PRPF39: variants seen among roughly 807,000 people sequenced by gnomAD.
PRPF39 encodes pre-mRNA-processing factor 39.
PRPF39 carries 27 observed loss-of-function variants against 82.1 expected under a neutral mutation model. That is an observed-to-expected ratio of 0.33 (90% CI 0.24 to 0.45). The LOEUF (loss-of-function observed/expected upper bound fraction) is 0.45, where lower values mean the gene tolerates loss of function less well. PRPF39 is among the 20% of genes least tolerant of loss of function. The pLI, the probability that PRPF39 is intolerant of heterozygous loss-of-function variation, is 1.00. For missense variants in PRPF39, 581 were observed against 796.9 expected, an observed-to-expected ratio of 0.73 and a Z score of 3.26; for synonymous variants, 261 against 256.4, an observed-to-expected ratio of 1.02 and a Z score of -0.17.
chr14:45,096,787 C>A, intron 3 of PRPF39, 100 bp from the exon 4 acceptor site: 1 of 1,541,994 alleles, frequency 6.5e-7, no homozygotes, highest in Admixed American at 2.0e-5. Context: ...AACAAAATTC[C>A]AGTAATTAGT....
At chr14:45,106,175 C>T (rs188360229) in intron 5 of PRPF39, among the ~76,000 whole-genome samples, 3 of 151,916 alleles carry the variant, frequency 2.0e-5, no homozygotes, top group East Asian at 3.9e-4. Flanking sequence ...AAGGTGAAAC[C>T]CCGTCTCTAC....
intron 5 of PRPF39, among the ~76,000 whole-genome samples, chr14:45,104,517 T>G (rs1402531611): frequency 6.6e-6 from 1 of 152,158 alleles, no homozygotes; most frequent in Non-Finnish European, 1.5e-5. Context: ...ATTTAAGTTG[T>G]AGGAATGAAG....
chr14:45,108,319 A>T, intron 6 of PRPF39, 96 bp from the exon 7 acceptor site: 1 of 1,327,344 alleles, frequency 7.5e-7, no homozygotes, highest in South Asian at 2.0e-5. Context: ...TCTAAGACTA[A>T]AATATCTGTG....
chr14:45,108,705 A>T (rs993297201), intron 7 of PRPF39, among the ~76,000 whole-genome samples, 183 bp downstream of exon 7: 9 of 152,158 alleles, frequency 5.9e-5, no homozygotes, highest in Non-Finnish European at 1.3e-4. Flanking sequence ...GATGAGTTTT[A>T]GAATGTTTGA....
chr14:45,107,227 T>C (rs76141876), intron 5 of PRPF39, among the ~76,000 whole-genome samples: 1,597 of 152,304 alleles, frequency 0.01, 12 homozygotes, highest in Non-Finnish European at 0.015. Context: ...TCCATTCCAC[T>C]GTAAAGGTAG....
intron 7 of PRPF39, 27 bp from the exon 8 acceptor site, chr14:45,109,589 C>T (rs535764477): frequency 6.3e-7 from 1 of 1,575,760 alleles, no homozygotes; most frequent in East Asian, 2.3e-5. Context: ...GGTTTACTTT[C>T]ATTGGCATGT....
intron 11 of PRPF39, among the ~76,000 whole-genome samples, chr14:45,113,309 G>T (rs898922543): frequency 6.6e-6 from 1 of 152,286 alleles, no homozygotes; most frequent in East Asian, 1.9e-4. Context: ...ATATATTTGC[G>T]TGCTTGGCAT....
chr14:45,097,084 C>T (rs1167068191), intron 4 of PRPF39, 79 bp downstream of exon 4: 1 of 1,420,806 alleles, frequency 7.0e-7, no homozygotes, highest in African/African-American at 1.4e-5. Flanking sequence ...CTCATGAAAG[C>T]TAAGCTGGAA....
At chr14:45,107,731 C>T in intron 6 of PRPF39, 115 bp downstream of exon 6, 1 of 995,566 alleles carries the variant, frequency 1.0e-6, no homozygotes, top group East Asian at 2.6e-5. Flanking sequence ...GAGTTTGAGA[C>T]CCATGTAGGC....
chr14:45,087,070 A>G (rs1331442873), intron 1 of PRPF39, among the ~76,000 whole-genome samples: 2 of 152,174 alleles, frequency 1.3e-5, no homozygotes, highest in South Asian at 2.1e-4. Context: ...TACTTAAATT[A>G]TAACACTAGT....
chr14:45,087,680 TCTC>T (rs1004016740), intron 1 of PRPF39, among the ~76,000 whole-genome samples: 1 of 151,656 alleles, frequency 6.6e-6, no homozygotes, highest in Non-Finnish European at 1.5e-5. Flanking sequence ...TTCACACCAT[TCTC>T]CTACCTCAGC....
At chr14:45,106,298 A>C (rs1483959031) in intron 5 of PRPF39, among the ~76,000 whole-genome samples, 1 of 152,170 alleles carries the variant, frequency 6.6e-6, no homozygotes, top group Admixed American at 6.5e-5. Context: ...GCAGTGAGCC[A>C]AGATAGAACG....
chr14:45,093,499 C>T (rs1009640955), intron 1 of PRPF39, among the ~76,000 whole-genome samples: 4 of 151,550 alleles, frequency 2.6e-5, no homozygotes, highest in African/African-American at 4.8e-5. Flanking sequence ...GCTGGGATTA[C>T]GGGCATGAGC....
At position 45,110,878 on chromosome 14, in the gene PRPF39, CACTGTGGCA is replaced by C; in HGVS notation, c.1572+68_1572+76del. ...AAAAAACCAGTGGTCAGTGTATTTT[CACTGTGGCA>C]ACTGTGATGAAAGATTTGGTCTGTA... On this transcript the variant is annotated intron_variant, in intron 10 of 13. Coordinates refer to ENST00000355765, the MANE Select transcript of PRPF39 (RefSeq NM_017922.4). This position sits in a 1 kb window ranked among gnomAD's most constrained non-coding sequence, Gnocchi z 4.0. 1 of 1,404,850 alleles carries C rather than the reference CACTGTGGCA, an allele frequency of 7.1e-7. No individual in the cohort carries two copies. Among genetic ancestry groups the C allele is most frequent in the Non-Finnish European group, 9.6e-7 (1 of 1,038,660 alleles). 87.0% of individuals were successfully genotyped at this position (1,404,850 alleles called of 1,614,324 possible).
intron 1 of PRPF39, among the ~76,000 whole-genome samples, chr14:45,091,533 G>A (rs141102690): frequency 1.3e-5 from 2 of 152,242 alleles, no homozygotes; most frequent in East Asian, 1.9e-4. Flanking sequence ...ACATGACCCC[G>A]AATGCAAAAC....
At chr14:45,104,500 A>C (rs1884468152) in intron 5 of PRPF39, among the ~76,000 whole-genome samples, 1 of 151,978 alleles carries the variant, frequency 6.6e-6, no homozygotes. Flanking sequence ...GTACCTGTTG[A>C]TAGGCTATTT....
intron 4 of PRPF39, among the ~76,000 whole-genome samples, chr14:45,099,353 T>G (rs1323910385): frequency 6.6e-6 from 1 of 152,170 alleles, no homozygotes; most frequent in Non-Finnish European, 1.5e-5. Flanking sequence ...TTTTCTTTTC[T>G]TCTTCCTATT....
At chr14:45,098,593 AG>A (rs773715855) in intron 4 of PRPF39, among the ~76,000 whole-genome samples, 10 of 152,094 alleles carry the variant, frequency 6.6e-5, no homozygotes, top group Non-Finnish European at 1.5e-4. Context: ...TGAACATTTA[AG>A]GTTTTTTCAT....
At position 45,095,530 on chromosome 14, in the gene PRPF39, C is replaced by A. The variant is rs770451758; in HGVS notation, c.291C>A (p.Gly97=). The A allele has an allele frequency of 1.2e-5, 20 of 1,608,990 alleles. No individual in the cohort carries two copies. The Admixed American group carries it at 3.2e-4, about 26-fold the overall frequency. The change falls in exon 2 of 14, where the codon GGC becomes GGA. Residue 97 remains glycine, a synonymous_variant. Transcript: ENST00000355765. ...AAAATAATCCTCAGGATTTTACAGG[C>A]TGGGTATATTTGCTTCAATATGTAG... is the stretch of plus-strand genomic sequence containing the variant. The part of the protein sequence containing the change: ...TVENNPQDFT[G]WVYLLQYVEQ...
Sources: allele counts gnomAD v4.1 joint callset (sites outside exome capture counted in the v4.1 genomes callset), GRCh38; gene constraint gnomAD v4.1.1; non-coding constraint Gnocchi (gnomAD v3.1); transcripts MANE v1.5; gene names NCBI Gene and HGNC (gene_info 2026-07-23, HGNC 2026-07-21).